CAB39L: variants seen among roughly 807,000 people sequenced by gnomAD.
CAB39L encodes the protein calcium-binding protein 39-like.
CAB39L carries 23 observed loss-of-function variants against 39.1 expected under a neutral mutation model. The ratio of observed to expected loss-of-function variants is 0.59; its 90% CI spans 0.42 to 0.83. The LOEUF is 0.83. Among genes scored for constraint, CAB39L ranks in the 40% least tolerant of loss-of-function variants. The pLI is 0.00. For missense variants in CAB39L, 366 were observed against 391.9 expected (o/e 0.93, Z 0.56); for synonymous variants, 126 against 137.2 (o/e 0.92, Z 0.57).
At chr13:49,429,230 G>T (rs952412277) in intron 3 of CAB39L, among the ~76,000 whole-genome samples, 5 of 152,052 alleles carry the variant, frequency 3.3e-5, no homozygotes. Context: ...CTAGTAGCTG[G>T]CCCTACAGGC....
At chr13:49,351,413 A>G (rs1282590672) in intron 6 of CAB39L, among the ~76,000 whole-genome samples, 1 of 152,158 alleles carries the variant, frequency 6.6e-6, no homozygotes, top group Non-Finnish European at 1.5e-5. Context: ...GAAACAGAGA[A>G]GGAGGAATAA....
intron 9 of CAB39L, among the ~76,000 whole-genome samples, chr13:49,339,446 T>C (rs571942763): frequency 1.2e-4 from 18 of 152,346 alleles, no homozygotes; most frequent in African/African-American, 4.3e-4. Flanking sequence ...AGAAATATTC[T>C]AAATTTTACT....
intron 3 of CAB39L, among the ~76,000 whole-genome samples, chr13:49,387,116 C>T (rs13378689): frequency 0.55 from 82,938 of 152,058 alleles, 24,035 homozygotes; most frequent in African/African-American, 0.72. Context: ...CTAGGTGTCA[C>T]TTGTTCTATC....
chr13:49,326,715 C>T (rs1566063797), intron 10 of CAB39L, among the ~76,000 whole-genome samples: 1 of 152,216 alleles, frequency 6.6e-6, no homozygotes, highest in South Asian at 2.1e-4. Flanking sequence ...GGCCAAGTTA[C>T]ACACATACAA....
chr13:49,395,339 G>A (rs983020610), intron 3 of CAB39L, among the ~76,000 whole-genome samples: 4 of 151,238 alleles, frequency 2.6e-5, no homozygotes, highest in African/African-American at 4.9e-5. Context: ...GGGTTCAAGC[G>A]ATTCTCCTGC....
intron 10 of CAB39L, among the ~76,000 whole-genome samples, chr13:49,313,879 T>G (rs1288990399): frequency 6.6e-6 from 1 of 152,168 alleles, no homozygotes; most frequent in Non-Finnish European, 1.5e-5. Flanking sequence ...GTTTCATGGC[T>G]AAGCCTTTAA....
chr13:49,348,951 G>A (rs1193733796), intron 7 of CAB39L, among the ~76,000 whole-genome samples: 1 of 152,120 alleles, frequency 6.6e-6, no homozygotes, highest in Non-Finnish European at 1.5e-5. Flanking sequence ...TTCTCCCTAA[G>A]TCCCAGCTTC....
chr13:49,365,178 C>T (rs1175722312), intron 5 of CAB39L, among the ~76,000 whole-genome samples: 4 of 152,116 alleles, frequency 2.6e-5, no homozygotes, highest in African/African-American at 9.7e-5. Context: ...TACAAAGGTG[C>T]TGAGAACATA....
At chr13:49,415,731 T>C (rs1957074882) in intron 3 of CAB39L, among the ~76,000 whole-genome samples, 1 of 152,162 alleles carries the variant, frequency 6.6e-6, no homozygotes, top group Non-Finnish European at 1.5e-5. Context: ...ATGTGAGCTT[T>C]GTGAGGGCAG....
chr13:49,325,325 T>C (rs1954467325), intron 10 of CAB39L, among the ~76,000 whole-genome samples: 1 of 152,258 alleles, frequency 6.6e-6, no homozygotes, highest in African/African-American at 2.4e-5. Context: ...TGGTGAGACA[T>C]TAAGTCAGAA....
At chr13:49,351,417 G>T (rs1203047192) in intron 6 of CAB39L, among the ~76,000 whole-genome samples, 1 of 152,008 alleles carries the variant, frequency 6.6e-6, no homozygotes, top group Non-Finnish European at 1.5e-5. Flanking sequence ...CAGAGAAGGA[G>T]GAATAAAGCC....
rs572051437 is a variant in CAB39L, at chr13:49,376,858, T to C, written c.276+109A>G. 119 of 787,470 alleles carry C rather than the reference T, an allele frequency of 1.5e-4. 1 individual carries two copies. The African/African-American group carries it at 1.9e-3, about 13-fold the overall frequency. The allele number at this position is 787,470 out of a possible 1,614,324, so 48.8% of individuals were successfully genotyped here. A position where few individuals can be genotyped will look rare whatever the true frequency, so the allele number is the denominator to read the frequency against. On this transcript the variant is annotated intron_variant, in intron 5 of 10. Coordinates refer to ENST00000409308, the MANE Select transcript of CAB39L (RefSeq NM_001079670.3). The stretch of plus-strand genomic sequence containing the variant: ...AGAAAAAACTTTAAAAAATAACACA[T>C]GGAAAGCCATAATGAAAAGCAAAAG...
chr13:49,333,568 CTTTTTTTTTTT>C (rs796079933), intron 9 of CAB39L, among the ~76,000 whole-genome samples: 1 of 111,858 alleles, frequency 8.9e-6, no homozygotes, highest in South Asian at 2.9e-4. Flanking sequence ...TTCTTTCTTT[CTTTTTTTTTTT>C]TTTTTTTTTT....
intron 4 of CAB39L, among the ~76,000 whole-genome samples, chr13:49,378,910 C>T (rs1318789470): frequency 3.7e-3 from 58 of 15,758 alleles, no homozygotes; most frequent in African/African-American, 7.0e-3. Context: ...TCAGCCCCCC[C>T]GCCCGGCCAG....
intron 3 of CAB39L, among the ~76,000 whole-genome samples, chr13:49,406,159 T>C (rs963315448): frequency 5.3e-5 from 8 of 150,964 alleles, no homozygotes; most frequent in Non-Finnish European, 1.2e-4. Flanking sequence ...GGGAATACAA[T>C]TGGAATGCTC....
chr13:49,394,504 C>T (rs1039984376), intron 3 of CAB39L, among the ~76,000 whole-genome samples: 4 of 151,954 alleles, frequency 2.6e-5, no homozygotes, highest in African/African-American at 9.7e-5. Flanking sequence ...CAACCTCTGG[C>T]TTTATAGTAA....
intron 3 of CAB39L, among the ~76,000 whole-genome samples, chr13:49,386,054 G>A (rs917652227): frequency 2.0e-5 from 3 of 152,100 alleles, no homozygotes; most frequent in African/African-American, 7.2e-5. Context: ...AATAAAATAC[G>A]GTATGCCTGT....
chr13:49,438,232 A>C (rs1273278372), intron 1 of CAB39L, among the ~76,000 whole-genome samples: 1 of 152,192 alleles, frequency 6.6e-6, no homozygotes, highest in Non-Finnish European at 1.5e-5. Context: ...GCTAATGCCT[A>C]AAAGGCAAAC....
intron 3 of CAB39L, among the ~76,000 whole-genome samples, chr13:49,409,822 C>T (rs1040873750): frequency 6.6e-6 from 1 of 151,652 alleles, no homozygotes; most frequent in Admixed American, 6.6e-5. Flanking sequence ...TGCCTGTAAT[C>T]CTAAGCAGTC....
Sources: allele counts gnomAD v4.1 joint callset (sites outside exome capture counted in the v4.1 genomes callset), GRCh38; gene constraint gnomAD v4.1.1; transcripts MANE v1.5; gene names NCBI Gene and HGNC (gene_info 2026-07-23, HGNC 2026-07-21).